ANO3: variants seen among roughly 807,000 people sequenced by gnomAD.
The protein encoded by ANO3 is anoctamin 3.
Under a neutral mutation model 144.8 loss-of-function variants are expected in ANO3, and 99 were observed. The observed-to-expected ratio is 0.68, with a 90% CI of 0.58 to 0.81. The LOEUF is 0.81. Among genes scored for constraint, ANO3 ranks in the 30% least tolerant of loss-of-function variants. The probability of loss-of-function intolerance (pLI) is 0.00; values close to 1 mark genes in which losing one functional copy is unlikely to be tolerated. For synonymous variants in ANO3, 414 were observed against 392.6 expected (o/e 1.05, Z -0.64); for missense variants, 905 against 1,202.2 (o/e 0.75, Z 3.66).
intron 20 of ANO3, among the ~76,000 whole-genome samples, chr11:26,636,807 A>G (rs1416354676): frequency 1.3e-5 from 2 of 152,234 alleles, no homozygotes; most frequent in African/African-American, 4.8e-5. Flanking sequence ...TCACACTTCT[A>G]TGCTGGATTT....
chr11:26,518,526 A>T (rs1861945192), intron 6 of ANO3, among the ~76,000 whole-genome samples: 1 of 151,662 alleles, frequency 6.6e-6, no homozygotes, highest in African/African-American at 2.4e-5. Context: ...ATTCAATTTG[A>T]AAACATTTTC....
At chr11:26,456,314 C>T (rs1190611662) in intron 3 of ANO3, among the ~76,000 whole-genome samples, 2 of 152,154 alleles carry the variant, frequency 1.3e-5, no homozygotes, top group African/African-American at 4.8e-5. Flanking sequence ...AAAATTTTCA[C>T]AACCTCCTCA....
At chr11:26,245,050 G>T (rs1852759340) in intron 1 of ANO3, among the ~76,000 whole-genome samples, 1 of 141,734 alleles carries the variant, frequency 7.1e-6, no homozygotes, top group African/African-American at 2.6e-5. Context: ...TCATAGCATT[G>T]AATTTTTAAA....
chr11:26,527,660 A>G (rs1050967886), intron 7 of ANO3, among the ~76,000 whole-genome samples: 1 of 152,164 alleles, frequency 6.6e-6, no homozygotes, highest in Non-Finnish European at 1.5e-5. Context: ...TGACCGGTAC[A>G]TATTAGGGGA....
intron 1 of ANO3, among the ~76,000 whole-genome samples, chr11:26,204,599 C>A (rs186148424): frequency 1.7e-3 from 258 of 152,216 alleles, no homozygotes; most frequent in Non-Finnish European, 3.1e-3. Context: ...GGGTGAGAAT[C>A]CCATCCTCCT....
intron 1 of ANO3, among the ~76,000 whole-genome samples, chr11:26,344,641 A>G (rs1209644659): frequency 6.6e-6 from 1 of 152,146 alleles, no homozygotes; most frequent in Non-Finnish European, 1.5e-5. Context: ...CTGGGATTAC[A>G]GACGTGAGCC....
chr11:26,237,185 C>G (rs1177009464), intron 1 of ANO3, among the ~76,000 whole-genome samples: 1 of 152,082 alleles, frequency 6.6e-6, no homozygotes, highest in Non-Finnish European at 1.5e-5. Context: ...TTGATTCTAA[C>G]TCTATTTAAT....
At chr11:26,537,785 C>T (rs1158255191) in intron 10 of ANO3, among the ~76,000 whole-genome samples, 1 of 152,218 alleles carries the variant, frequency 6.6e-6, no homozygotes, top group African/African-American at 2.4e-5. Flanking sequence ...GAGGAGATTC[C>T]TGGTTTGTGC....
chr11:26,553,826 T>C (rs544786528), intron 13 of ANO3, among the ~76,000 whole-genome samples: 80 of 152,268 alleles, frequency 5.3e-4, no homozygotes, highest in South Asian at 1.0e-3. Flanking sequence ...ATCTTTGGGA[T>C]TGGAACATGA....
chr11:26,279,491 C>CA (rs1853631559), intron 1 of ANO3, among the ~76,000 whole-genome samples: 1 of 152,020 alleles, frequency 6.6e-6, no homozygotes. Context: ...AATTCAACAA[C>CA]AAAAAGACAA....
At chr11:26,460,348 G>A (rs900120316) in intron 3 of ANO3, among the ~76,000 whole-genome samples, 3 of 138,974 alleles carry the variant, frequency 2.2e-5, no homozygotes, top group Non-Finnish European at 3.1e-5. Flanking sequence ...GAGGTTTGGC[G>A]TACAGATAGT....
At chr11:26,548,951 G>GA (rs5790587) in intron 12 of ANO3, among the ~76,000 whole-genome samples, 58 of 146,926 alleles carry the variant, frequency 3.9e-4, no homozygotes, top group African/African-American at 1.4e-3. Flanking sequence ...CAATGAATTG[G>GA]AAAAAAAAAA....
intron 1 of ANO3, among the ~76,000 whole-genome samples, chr11:26,236,689 G>C (rs976577619): frequency 7.3e-4 from 111 of 151,886 alleles, no homozygotes; most frequent in Non-Finnish European, 1.4e-3. Context: ...ATGGTGGCGG[G>C]CGCCTGTAGT....
chr11:26,239,225 C>G (rs1304013848), intron 1 of ANO3, among the ~76,000 whole-genome samples: 1 of 151,746 alleles, frequency 6.6e-6, no homozygotes, highest in East Asian at 1.9e-4. Context: ...AATAATACTC[C>G]AAAAACATTA....
At chr11:26,581,705 A>G (rs1851137956) in intron 14 of ANO3, among the ~76,000 whole-genome samples, 1 of 151,658 alleles carries the variant, frequency 6.6e-6, no homozygotes, top group Admixed American at 6.6e-5. Flanking sequence ...AAAAAAAAAA[A>G]AAAAAAGGAG....
At chr11:26,423,989 T>A (rs943876111) in intron 1 of ANO3, among the ~76,000 whole-genome samples, 10 of 151,866 alleles carry the variant, frequency 6.6e-5, no homozygotes, top group African/African-American at 2.2e-4. Context: ...GTTTTTTTTT[T>A]AATTTTGGCA....
At chr11:26,637,540 G>A (rs1853001330) in intron 20 of ANO3, among the ~76,000 whole-genome samples, 1 of 152,186 alleles carries the variant, frequency 6.6e-6, no homozygotes, top group Admixed American at 6.5e-5. Context: ...TGTGATCTGT[G>A]ATTTGCCCCC....
chr11:26,484,319 T>G (rs1414585554), intron 4 of ANO3, among the ~76,000 whole-genome samples: 1 of 152,086 alleles, frequency 6.6e-6, no homozygotes, highest in Non-Finnish European at 1.5e-5. Context: ...GGAAAATGCC[T>G]ATACAACCTG....
intron 1 of ANO3, among the ~76,000 whole-genome samples, chr11:26,385,144 C>G (rs1856689111): frequency 6.6e-6 from 1 of 151,972 alleles, no homozygotes; most frequent in African/African-American, 2.4e-5. Flanking sequence ...AGATAAGACT[C>G]ATAATGAATA....
Sources: allele counts gnomAD v4.1 joint callset (sites outside exome capture counted in the v4.1 genomes callset), GRCh38; gene constraint gnomAD v4.1.1; transcripts MANE v1.5; gene names NCBI Gene and HGNC (gene_info 2026-07-23, HGNC 2026-07-21).